CNTN4: variants seen among roughly 807,000 people sequenced by gnomAD.
CNTN4 encodes contactin 4, also known as contactin-4.
A neutral mutation model predicts 122.5 loss-of-function variants in CNTN4; 77 were observed. That is an observed-to-expected ratio of 0.63 (90% CI 0.52 to 0.76). The LOEUF (loss-of-function observed/expected upper bound fraction) is 0.76, where lower values mean the gene tolerates loss of function less well. CNTN4 is among the 30% of genes least tolerant of loss of function. The probability of loss-of-function intolerance (pLI) is 0.00; values close to 1 mark genes in which losing one functional copy is unlikely to be tolerated. For missense variants in CNTN4, 1,256 were observed against 1,259.1 expected, an observed-to-expected ratio of 1.00 and a Z score of 0.04; for synonymous variants, 512 against 447.0, an observed-to-expected ratio of 1.15 and a Z score of -1.83.
At chr3:2,145,631 C>T (rs1342132520) in intron 2 of CNTN4, among the ~76,000 whole-genome samples, 2 of 152,140 alleles carry the variant, frequency 1.3e-5, no homozygotes, top group African/African-American at 2.4e-5. Flanking sequence ...ACCTCACATT[C>T]AGTTTAATTA....
chr3:2,720,540 C>G (rs901722636), intron 4 of CNTN4, among the ~76,000 whole-genome samples: 2 of 152,108 alleles, frequency 1.3e-5, no homozygotes, highest in African/African-American at 2.4e-5. Context: ...CACTTTATTA[C>G]TCTCCTAGAG....
At chr3:2,126,669 G>A (rs1349648928) in intron 2 of CNTN4, among the ~76,000 whole-genome samples, 1 of 152,164 alleles carries the variant, frequency 6.6e-6, no homozygotes, top group Non-Finnish European at 1.5e-5. Context: ...GGAGTGCTAT[G>A]TATGGCAAAG....
chr3:2,712,898 G>T (rs1008095431), intron 4 of CNTN4, among the ~76,000 whole-genome samples: 1 of 152,234 alleles, frequency 6.6e-6, no homozygotes, highest in Admixed American at 6.5e-5. Flanking sequence ...GAGGATCCTG[G>T]AGGGTGGCTC....
chr3:2,764,801 G>A (rs1484015725), intron 6 of CNTN4, among the ~76,000 whole-genome samples: 1 of 152,056 alleles, frequency 6.6e-6, no homozygotes, highest in Non-Finnish European at 1.5e-5. Flanking sequence ...ATTAAATTAG[G>A]AATTCTCTTT....
intron 3 of CNTN4, among the ~76,000 whole-genome samples, chr3:2,347,503 G>A (rs1418478874): frequency 7.3e-6 from 1 of 136,100 alleles, no homozygotes. Context: ...TCCACCTCCC[G>A]AGTTCAAGTG....
chr3:2,803,929 G>A (rs892944504), intron 6 of CNTN4, among the ~76,000 whole-genome samples: 5 of 152,038 alleles, frequency 3.3e-5, no homozygotes, highest in African/African-American at 1.2e-4. Flanking sequence ...CATTGAGACT[G>A]AGTCTCAAAG....
chr3:2,773,252 A>G (rs2091181287), intron 6 of CNTN4, among the ~76,000 whole-genome samples: 1 of 152,152 alleles, frequency 6.6e-6, no homozygotes, highest in South Asian at 2.1e-4. Flanking sequence ...GTTGCTTTAT[A>G]TATTTTTTCA....
In CNTN4 at chr3:3,026,257, C is replaced by T; in HGVS notation, c.1642C>T (p.His548Tyr). ...HLIDFDRDGD[H>Y]FERVGGQDSA... is the part of the protein sequence containing the mutation. Reference sequence around the variant, plus strand: ...GATAGACTTTGACAGAGATGGGGACCACTTTGAAAGAGTTGGAGGGGTAAG... The same window carrying T: ...GATAGACTTTGACAGAGATGGGGACTACTTTGAAAGAGTTGGAGGGGTAAG... The change falls in exon 15 of 25, where the codon CAC (histidine) becomes TAC (tyrosine). Residue 548 changes from histidine (H) to tyrosine (Y), a missense_variant. His to Tyr is a moderately conservative substitution (Grantham distance 83). Coordinates refer to ENST00000418658, the MANE Select transcript of CNTN4 (RefSeq NM_175607.3). 1 of 1,613,282 alleles carries T rather than the reference C, an allele frequency of 6.2e-7. No homozygotes were observed. The highest frequency in any genetic ancestry group is 8.5e-7 in the Non-Finnish European group (1 of 1,179,428).
chr3:2,819,648 C>T (rs1480676890), intron 7 of CNTN4, 67 bp downstream of exon 7: 5 of 1,169,986 alleles, frequency 4.3e-6, no homozygotes, highest in East Asian at 2.3e-5. Flanking sequence ...AATGTTCTCC[C>T]TCCTGACACC....
intron 12 of CNTN4, among the ~76,000 whole-genome samples, chr3:2,923,212 A>T (rs1474458390): frequency 1.3e-5 from 2 of 152,218 alleles, no homozygotes; most frequent in Non-Finnish European, 1.5e-5. Context: ...TGATAAAATT[A>T]TATGTGTAGA....
intron 4 of CNTN4, among the ~76,000 whole-genome samples, chr3:2,584,189 C>T (rs1443140202): frequency 1.3e-5 from 2 of 152,122 alleles, no homozygotes; most frequent in African/African-American, 4.8e-5. Flanking sequence ...TATCGCTGAG[C>T]TCCAATGCAA....
chr3:2,757,609 G>C (rs768994218), intron 6 of CNTN4, among the ~76,000 whole-genome samples: 4 of 152,194 alleles, frequency 2.6e-5, no homozygotes, highest in Admixed American at 1.3e-4. Flanking sequence ...CCTCTTCGCA[G>C]TCAGCACCTT....
intron 12 of CNTN4, among the ~76,000 whole-genome samples, chr3:2,905,449 C>G (rs137870928): frequency 0.014 from 2,200 of 152,280 alleles, 23 homozygotes; most frequent in Non-Finnish European, 0.021. Context: ...GTGAGGGTCT[C>G]TTGGGCCTCT....
rs998290992 is a variant in CNTN4 at position 3,026,253 on chromosome 3, G to T, written c.1638G>T (p.Gly546=). Residue 546 remains glycine, a synonymous_variant, in exon 15 of 25, where the codon GGG becomes GGT. Transcript: ENST00000418658. The part of the protein sequence containing the change: ...NGHLIDFDRD[G]DHFERVGGQD... ...ACCTGATAGACTTTGACAGAGATGG[G>T]GACCACTTTGAAAGAGTTGGAGGGG... The T allele has an allele frequency of 6.2e-7, 1 of 1,613,170 alleles. No individual in the cohort carries two copies. The highest frequency in any genetic ancestry group is 1.7e-5 in the Admixed American group (1 of 59,904).
At chr3:2,550,117 T>C (rs2600303) in intron 3 of CNTN4, among the ~76,000 whole-genome samples, 119,576 of 152,064 alleles carry the variant, frequency 0.79, 47,733 homozygotes, top group East Asian at 1. Context: ...GGCTAGTAGT[T>C]TATCTATTTT....
chr3:2,931,918 G>A (rs751258617), intron 13 of CNTN4, among the ~76,000 whole-genome samples: 1 of 152,166 alleles, frequency 6.6e-6, no homozygotes, highest in African/African-American at 2.4e-5. Flanking sequence ...AAAGTGCTAG[G>A]ATTACAGGCA....
At chr3:2,394,167 G>GT (rs1458081521) in intron 3 of CNTN4, among the ~76,000 whole-genome samples, 2,232 of 111,206 alleles carry the variant, frequency 0.02, 44 homozygotes, top group African/African-American at 0.05. Context: ...AAAGGAAGTT[G>GT]TTTTTTTTTT....
At chr3:2,585,363 C>T (rs2080141071) in intron 4 of CNTN4, among the ~76,000 whole-genome samples, 1 of 151,394 alleles carries the variant, frequency 6.6e-6, no homozygotes, top group Non-Finnish European at 1.5e-5. Context: ...GATTATAAAT[C>T]ATGCTGCTAT....
intron 11 of CNTN4, among the ~76,000 whole-genome samples, chr3:2,902,037 G>A (rs1002288189): frequency 1.3e-5 from 2 of 152,116 alleles, no homozygotes; most frequent in African/African-American, 4.8e-5. Context: ...ATTTCTGTGG[G>A]ACACTTGGGC....
Sources: gnomAD v4.1 joint callset for allele counts (sites outside exome capture counted in the v4.1 genomes callset) on GRCh38, gnomAD v4.1.1 for gene constraint, MANE v1.5 for transcripts, NCBI Gene and HGNC (gene_info 2026-07-23, HGNC 2026-07-21) for gene names.